The following DLG2 variants were observed in gnomAD, a reference collection of about 807,000 sequenced individuals.
DLG2 encodes disks large homolog 2.
A neutral mutation model predicts 132.5 loss-of-function variants in DLG2; 45 were observed. That is an observed-to-expected ratio of 0.34 (90% CI 0.27 to 0.44). The LOEUF is 0.44. Among genes scored for constraint, DLG2 ranks in the 20% least tolerant of loss-of-function variants. DLG2 has a pLI of 1.00. For missense variants in DLG2, 1,045 were observed against 1,196.9 expected (o/e 0.87, Z 1.87); for synonymous variants, 424 against 419.6 (o/e 1.01, Z -0.13).
intron 6 of DLG2, among the ~76,000 whole-genome samples, chr11:84,548,303 T>G (rs2099394438): frequency 6.6e-6 from 1 of 152,140 alleles, no homozygotes; most frequent in East Asian, 1.9e-4. Context: ...TATTATACTT[T>G]AAGTTTTAGG....
chr11:84,885,491 T>A (rs1313790844), intron 6 of DLG2, among the ~76,000 whole-genome samples: 1 of 152,018 alleles, frequency 6.6e-6, no homozygotes, highest in African/African-American at 2.4e-5. Context: ...TGAGGTACCA[T>A]GCCTGGCCTG....
intron 11 of DLG2, among the ~76,000 whole-genome samples, chr11:84,030,296 G>A (rs957220953): frequency 1.3e-5 from 2 of 152,046 alleles, no homozygotes; most frequent in Non-Finnish European, 2.9e-5. Flanking sequence ...TTGTTTGAAA[G>A]AACAAATTAA....
chr11:83,906,057 C>G (rs760664132), intron 15 of DLG2, among the ~76,000 whole-genome samples: 63 of 58,626 alleles, frequency 1.1e-3, no homozygotes, highest in South Asian at 7.4e-3. Context: ...CTGTCTGTCT[C>G]TCTCTCTCTC....
rs74881436 is a variant in DLG2 at position 84,730,612 on chromosome 11, C to T, written c.358-195881G>A. ...GAGTTCAACTTTGAAAGCAGCAATT[C>T]ATGGGAAGACTGACAAGAACATGGC... On this transcript the variant is annotated intron_variant, in intron 6 of 27. Coordinates refer to ENST00000376104, the MANE Select transcript of DLG2 (RefSeq NM_001142699.3). Among the ~76,000 whole-genome samples, 3 of 152,106 alleles carry T rather than the reference C, an allele frequency of 2.0e-5. No individual in the cohort carries two copies. In the East Asian group the frequency reaches 5.8e-4, roughly 29 times the overall value.
chr11:83,498,922 G>A (rs564987220), intron 21 of DLG2, among the ~76,000 whole-genome samples: 1 of 151,930 alleles, frequency 6.6e-6, no homozygotes, highest in East Asian at 1.9e-4. Context: ...GGAATACTAT[G>A]AACAATTATA....
At chr11:84,542,230 T>C (rs2099375805) in intron 6 of DLG2, among the ~76,000 whole-genome samples, 1 of 152,148 alleles carries the variant, frequency 6.6e-6, no homozygotes, top group South Asian at 2.1e-4. Context: ...AGGTGGCATA[T>C]TATCATACCT....
intron 18 of DLG2, among the ~76,000 whole-genome samples, chr11:83,741,333 G>A (rs1186447479): frequency 6.6e-6 from 1 of 151,940 alleles, no homozygotes; most frequent in Admixed American, 6.6e-5. Context: ...GAAATAAAAG[G>A]TACCCAAATA....
Position 85,208,413 on chromosome 11 carries a change from A to G in DLG2, c.187-53762T>C, listed in dbSNP as rs986299267. On this transcript the variant is annotated intron_variant, in intron 4 of 27. Transcript: ENST00000376104. The stretch of plus-strand genomic sequence containing the variant: ...ATTTGATATGCTAGCGTATACTAAG[A>G]TACCTTTGTTAAGATAGCTAAGGCA... 4.6e-5 allele frequency among the ~76,000 whole-genome samples: 7 copies of G among 152,260 alleles called. No individual in the cohort carries two copies. In the East Asian group the frequency reaches 1.4e-3, roughly 30 times the overall value.
chr11:84,664,808 A>C lies in DLG2; in HGVS notation c.358-130077T>G, dbSNP rs574425144. Among the ~76,000 whole-genome samples, 4 of 152,250 alleles carry C rather than the reference A, an allele frequency of 2.6e-5. No homozygotes were observed. The South Asian group carries it at 8.3e-4, about 32-fold the overall frequency. On this transcript the variant is annotated intron_variant, in intron 6 of 27. Transcript: ENST00000376104. ...TGTACAAAATAATATGAAGATGCTGATATCTGATGATTGTGGTAGATTGTA... is the reference window on the plus strand; with the variant it reads ...TGTACAAAATAATATGAAGATGCTGCTATCTGATGATTGTGGTAGATTGTA...
intron 6 of DLG2, among the ~76,000 whole-genome samples, chr11:84,893,421 G>C (rs986222574): frequency 6.6e-6 from 1 of 152,192 alleles, no homozygotes; most frequent in African/African-American, 2.4e-5. Flanking sequence ...ATGTGCTAAA[G>C]TGTCAATAGC....
chr11:83,539,031 C>G (rs955718742), intron 20 of DLG2, among the ~76,000 whole-genome samples: 1 of 152,170 alleles, frequency 6.6e-6, no homozygotes, highest in Non-Finnish European at 1.5e-5. Flanking sequence ...ATTAATGAAC[C>G]TCTCTGTGCC....
At chr11:84,488,596 A>G (rs1219571760) in intron 7 of DLG2, among the ~76,000 whole-genome samples, 4 of 152,048 alleles carry the variant, frequency 2.6e-5, no homozygotes, top group Non-Finnish European at 5.9e-5. Flanking sequence ...TTCCATAGTT[A>G]AGGACACTTG....
intron 12 of DLG2, 40 bp from the exon 13 acceptor site, chr11:83,965,508 T>C (rs780025218): frequency 5.3e-6 from 8 of 1,521,076 alleles, no homozygotes; most frequent in East Asian, 2.3e-5. Flanking sequence ...GTTAAATCTA[T>C]GGAGCAGAAG....
chr11:83,826,039 T>A (rs7946494), intron 17 of DLG2, among the ~76,000 whole-genome samples: 2 of 151,982 alleles, frequency 1.3e-5, no homozygotes, highest in Non-Finnish European at 2.9e-5. Flanking sequence ...CTCTGCAAAA[T>A]TCTGTGGGCT....
rs3068386 is a variant in DLG2, at chr11:85,583,130, G to GTATATATATATATA, written c.40+15513_40+15526dup. 1.8e-3 allele frequency among the ~76,000 whole-genome samples: 24 copies of GTATATATATATATA among 13,588 alleles called. 1 individual carries two copies. The highest frequency in any genetic ancestry group is 2.8e-3 in the Non-Finnish European group (18 of 6,326). The allele number at this position is 13,588 out of a possible 152,430, so 8.9% of individuals were successfully genotyped here. Reference sequence around the variant, plus strand: ...TGTGTGTGTGTGTGTGTGTGTGTGTGTATATATATATATATATATATATAT... The same window carrying GTATATATATATATA: ...TGTGTGTGTGTGTGTGTGTGTGTGTGTATATATATATATATATATATATATATATATATATATAT... On this transcript the variant is annotated intron_variant, in intron 3 of 27. Transcript: ENST00000376104.
chr11:84,176,356 T>A (rs183466740), intron 8 of DLG2, among the ~76,000 whole-genome samples: 141 of 148,814 alleles, frequency 9.5e-4, no homozygotes, highest in South Asian at 1.9e-3. Context: ...TATAATTACA[T>A]ATAATTATAT....
At chr11:84,188,194 C>T (rs984436355) in intron 8 of DLG2, among the ~76,000 whole-genome samples, 5 of 152,020 alleles carry the variant, frequency 3.3e-5, no homozygotes, top group Admixed American at 6.6e-5. Flanking sequence ...TATAGTTATA[C>T]GCTTTAGGTG....
At chr11:84,422,006 A>G (rs558766887) in intron 7 of DLG2, among the ~76,000 whole-genome samples, 25 of 152,318 alleles carry the variant, frequency 1.6e-4, no homozygotes, top group African/African-American at 5.3e-4. Flanking sequence ...GACCTCTATA[A>G]CGCACAACTT....
chr11:83,489,124 C>G (rs1012133664), intron 21 of DLG2, among the ~76,000 whole-genome samples: 1 of 151,916 alleles, frequency 6.6e-6, no homozygotes, highest in Non-Finnish European at 1.5e-5. Context: ...TGTTTCACGC[C>G]TTCTGATAAA....
Sources: allele counts gnomAD v4.1 joint callset (sites outside exome capture counted in the v4.1 genomes callset), GRCh38; gene constraint gnomAD v4.1.1; transcripts MANE v1.5; gene names NCBI Gene and HGNC (gene_info 2026-07-23, HGNC 2026-07-21).